Variants in USH2A observed in about 807,000 individuals in gnomAD.
The protein encoded by USH2A is usherin.
A neutral mutation model predicts 538.9 loss-of-function variants in USH2A; 443 were observed. That is an observed-to-expected ratio of 0.82 (90% CI 0.76 to 0.89). USH2A has a LOEUF of 0.89. Ranked by LOEUF, USH2A falls within the 40% of genes least tolerant of loss-of-function variation. The pLI, the probability that USH2A is intolerant of heterozygous loss-of-function variation, is 0.00. For missense variants in USH2A, 6,633 were observed against 6,324.8 expected, an observed-to-expected ratio of 1.05 and a Z score of -1.65; for synonymous variants, 2,413 against 2,273.5, an observed-to-expected ratio of 1.06 and a Z score of -1.75.
In USH2A at chr1:216,323,529, C is replaced by G; in HGVS notation, c.1495G>C (p.Ala499Pro). ...TAATATCTGTGTCTGAGGTTAACAG[C>G]AGTCTCAGTTGTATAGTACTGCCCA... ...FHGQYYTTET[A>P]VNLRHRYYAV... Residue 499 changes from alanine to proline, a missense_variant, in exon 8 of 72, where the codon GCT becomes CCT. By Grantham distance (27) the Ala-to-Pro change is conservative. Transcript: ENST00000307340. 1.2e-6 allele frequency: 2 copies of G among 1,613,500 alleles called. No homozygotes were observed. The highest frequency in any genetic ancestry group is 1.7e-6 in the Non-Finnish European group (2 of 1,179,736).
chr1:216,257,386 T>C (rs2036279422), intron 11 of USH2A, among the ~76,000 whole-genome samples: 1 of 152,036 alleles, frequency 6.6e-6, no homozygotes, highest in East Asian at 1.9e-4. Context: ...GGATAGGAAA[T>C]CTGTTGTCAT....
chr1:215,924,093 A>G (rs1327557729), intron 38 of USH2A, among the ~76,000 whole-genome samples: 1 of 152,044 alleles, frequency 6.6e-6, no homozygotes, highest in Non-Finnish European at 1.5e-5. Flanking sequence ...TTAAATAAAA[A>G]TGAAAGATAG....
chr1:215,990,435 T>G (rs898223252), intron 35 of USH2A, among the ~76,000 whole-genome samples: 2 of 152,332 alleles, frequency 1.3e-5, no homozygotes, highest in East Asian at 3.9e-4. Context: ...TTAAATGAAT[T>G]AAATATTATT....
intron 71 of USH2A, among the ~76,000 whole-genome samples, chr1:215,627,505 T>C (rs1047470035): frequency 5.3e-4 from 71 of 134,300 alleles, no homozygotes; most frequent in African/African-American, 1.6e-3. Context: ...TCCTTCCTTC[T>C]TTCCTTCCTT....
At chr1:216,263,860 T>A (rs994572202) in intron 11 of USH2A, among the ~76,000 whole-genome samples, 2 of 152,134 alleles carry the variant, frequency 1.3e-5, no homozygotes, top group South Asian at 2.1e-4. Context: ...GGATCTTATA[T>A]GTAATAAAAA....
At position 216,198,490 on chromosome 1, in the gene USH2A, C is replaced by T. The variant is rs376193847; in HGVS notation, c.3906G>A (p.Trp1302Ter). Residue 1302 changes from tryptophan (W) to a stop codon, truncating the protein, a stop_gained, in exon 18 of 72, where the codon TGG becomes TGA. Transcript: ENST00000307340. LOFTEE classifies it high-confidence loss of function. Reference sequence around the variant, plus strand: ...ATTCTACAAATGAATGAGGACTGAGCCAACCACTGCTCTGAAAAACTCGAC... The same window carrying T: ...ATTCTACAAATGAATGAGGACTGAGTCAACCACTGCTCTGAAAAACTCGAC... ...EESRVFQSSGWLSPHSFVESA... is the reference protein window; with the variant it reads ...EESRVFQSSG 1 of 1,613,984 alleles carries T rather than the reference C, an allele frequency of 6.2e-7. No homozygotes were observed. Among genetic ancestry groups the T allele is most frequent in the South Asian group, 1.1e-5 (1 of 91,070 alleles).
chr1:215,943,059 A>G (rs1666675592), intron 37 of USH2A, among the ~76,000 whole-genome samples: 1 of 152,232 alleles, frequency 6.6e-6, no homozygotes, highest in African/African-American at 2.4e-5. Context: ...ATTTAGGTCG[A>G]AAGAAGACTG....
At chr1:216,247,313 A>G (rs2036072248) in intron 12 of USH2A, 87 bp from the exon 13 acceptor site, 5 of 1,515,816 alleles carry the variant, frequency 3.3e-6, no homozygotes, top group Non-Finnish European at 4.5e-6. Flanking sequence ...ACTGCAGATG[A>G]TACGAACACA....
chr1:215,823,463 G>A (rs1374016173), intron 47 of USH2A, among the ~76,000 whole-genome samples: 1 of 151,762 alleles, frequency 6.6e-6, no homozygotes, highest in Admixed American at 6.6e-5. Context: ...GCTGCTTTTA[G>A]GATCCTCTCT....
intron 61 of USH2A, among the ~76,000 whole-genome samples, chr1:215,726,156 A>G (rs1659811966): frequency 1.3e-5 from 2 of 152,184 alleles, no homozygotes; most frequent in African/African-American, 4.8e-5. Flanking sequence ...GTATACTCAT[A>G]AACGTTTTAC....
intron 21 of USH2A, among the ~76,000 whole-genome samples, chr1:216,133,587 G>C (rs973896998): frequency 6.6e-6 from 1 of 152,102 alleles, no homozygotes; most frequent in African/African-American, 2.4e-5. Context: ...TGAGGAATTA[G>C]AAGCTGAGGG....
chr1:215,848,091 T>C (rs968226021), intron 44 of USH2A, among the ~76,000 whole-genome samples: 1 of 152,166 alleles, frequency 6.6e-6, no homozygotes, highest in Admixed American at 6.5e-5. Context: ...GAACTGACTA[T>C]TAAAATCCCT....
intron 36 of USH2A, among the ~76,000 whole-genome samples, chr1:215,970,098 T>C (rs528977511): frequency 6.6e-6 from 1 of 152,326 alleles, no homozygotes; most frequent in East Asian, 1.9e-4. Flanking sequence ...TTCTGAAATA[T>C]GAATATCAAA....
At chr1:215,685,822 C>T (rs1184846704) in intron 61 of USH2A, among the ~76,000 whole-genome samples, 1 of 152,170 alleles carries the variant, frequency 6.6e-6, no homozygotes. Context: ...CTGCACACTT[C>T]CTTTACCAGT....
chr1:215,822,975 T>C (rs1663053481), intron 47 of USH2A, among the ~76,000 whole-genome samples: 1 of 152,054 alleles, frequency 6.6e-6, no homozygotes, highest in African/African-American at 2.4e-5. Context: ...TCTCAATTTG[T>C]ATATTTTTAT....
rs779274537 is a variant in USH2A at position 215,846,017 on chromosome 1, T to A, written c.8862A>T (p.Gln2954His). Residue 2954 changes from glutamine (Q) to histidine (H), a missense_variant, in exon 45 of 72, where the codon CAA becomes CAT. Physicochemically the swap from Gln to His is conservative, Grantham distance 24. Coordinates refer to ENST00000307340, the MANE Select transcript of USH2A (RefSeq NM_206933.4). ...RWAKPTVQDL[Q>H]GEVEYYTLFW... is the part of the protein sequence containing the mutation. ...AAAGTGTGTAATATTCAACTTCACC[T>A]TGTAGGTCTTGAACAGCTGTCAACA... 2 of 1,606,240 alleles carry A rather than the reference T, an allele frequency of 1.2e-6. No individual in the cohort carries two copies. The highest frequency in any genetic ancestry group is 4.5e-5 in the East Asian group (2 of 44,152).
intron 12 of USH2A, 74 bp downstream of exon 12, chr1:216,250,829 T>G: frequency 6.5e-7 from 1 of 1,531,822 alleles, no homozygotes; most frequent in South Asian, 1.2e-5. Context: ...TACTCTTCAG[T>G]TAAGAAATCA....
intron 61 of USH2A, among the ~76,000 whole-genome samples, chr1:215,682,209 C>T (rs1180505350): frequency 6.6e-6 from 1 of 151,898 alleles, no homozygotes; most frequent in Non-Finnish European, 1.5e-5. Flanking sequence ...TAATAGATGC[C>T]AAAAAAGCAT....
intron 4 of USH2A, 21 bp downstream of exon 4, chr1:216,364,932 A>G: frequency 6.2e-7 from 1 of 1,613,148 alleles, no homozygotes; most frequent in South Asian, 1.1e-5. Context: ...AATAAATAAC[A>G]TTCTGAAGTC....
Sources: allele counts gnomAD v4.1 joint callset (sites outside exome capture counted in the v4.1 genomes callset), GRCh38; gene constraint gnomAD v4.1.1; transcripts MANE v1.5; gene names NCBI Gene and HGNC (gene_info 2026-07-23, HGNC 2026-07-21).